YEATS4: variants seen among roughly 807,000 people sequenced by gnomAD.
The protein encoded by YEATS4 is YEATS domain containing 4, also known as YEATS domain-containing protein 4.
YEATS4 carries 17 observed loss-of-function variants against 30.1 expected under a neutral mutation model. The ratio of observed to expected loss-of-function variants is 0.56; its 90% CI spans 0.39 to 0.85. The LOEUF is 0.85. YEATS4 is among the 40% of genes least tolerant of loss of function. The pLI is 0.00. For synonymous variants in YEATS4, 85 were observed against 87.5 expected, an observed-to-expected ratio of 0.97 and a Z score of 0.16; for missense variants, 142 against 268.3, an observed-to-expected ratio of 0.53 and a Z score of 3.29.
At chr12:69,397,044 A>G in the YEATS4 span, among the ~76,000 whole-genome samples, 2 of 152,324 alleles carry the variant, frequency 1.3e-5, no homozygotes, top group African/African-American at 4.8e-5. Context: ...TTGAATGGTA[A>G]GAATAAAGAA....
chr12:69,399,720 A>C, the YEATS4 span, among the ~76,000 whole-genome samples: 1 of 152,250 alleles, frequency 6.6e-6, no homozygotes, highest in African/African-American at 2.4e-5. Flanking sequence ...AGAATAGCTA[A>C]AATTGGAAAC....
the YEATS4 span, among the ~76,000 whole-genome samples, chr12:69,397,133 A>C: frequency 6.6e-6 from 1 of 152,228 alleles, no homozygotes; most frequent in Non-Finnish European, 1.5e-5. Flanking sequence ...AAGGATAATA[A>C]GTCCCATTAT....
chr12:69,412,259 G>C, the YEATS4 span, among the ~76,000 whole-genome samples: 1 of 152,158 alleles, frequency 6.6e-6, no homozygotes. Context: ...TGGATGGAAG[G>C]TTCCCTGCAG....
At chr12:69,388,503 T>C (rs1371770363) in intron 6 of YEATS4, among the ~76,000 whole-genome samples, 1 of 152,228 alleles carries the variant, frequency 6.6e-6, no homozygotes, top group Non-Finnish European at 1.5e-5. Context: ...TGACCATCTT[T>C]TATTAGTGAA....
rs776978862 is a variant in YEATS4, at chr12:69,359,969, C to T, written c.-4C>T. 6.2e-7 allele frequency: 1 copy of T among 1,612,704 alleles called. No homozygotes were observed. The highest frequency in any genetic ancestry group is 8.5e-7 in the Non-Finnish European group (1 of 1,179,322). On this transcript the variant is annotated 5_prime_UTR_variant, in exon 1 of 7. Coordinates refer to ENST00000247843, the MANE Select transcript of YEATS4 (RefSeq NM_006530.4). ...GGCGGCGGCGGCTTCTTCCGTGGGA[C>T]AATATGTTCAAGAGAATGGCCGAAT...
chr12:69,360,402 A>C (rs1213333647), intron 1 of YEATS4, among the ~76,000 whole-genome samples: 1 of 152,138 alleles, frequency 6.6e-6, no homozygotes, highest in Non-Finnish European at 1.5e-5. Flanking sequence ...GGATAACAAT[A>C]ACTGTAGCAA....
At chr12:69,396,143 C>T in the YEATS4 span, among the ~76,000 whole-genome samples, 6 of 152,308 alleles carry the variant, frequency 3.9e-5, no homozygotes, top group Middle Eastern at 3.4e-3. Context: ...ACCCTCAACA[C>T]GGCTTCATTG....
At chr12:69,364,281 ATC>A (rs1875344396) in intron 2 of YEATS4, 3 of 350,536 alleles carry the variant, frequency 8.6e-6, no homozygotes, top group African/African-American at 4.4e-5. Flanking sequence ...GTAAGACTCC[ATC>A]TCTACAGAAA....
At chr12:69,402,518 CTT>C in the YEATS4 span, among the ~76,000 whole-genome samples, 1 of 152,076 alleles carries the variant, frequency 6.6e-6, no homozygotes, top group Non-Finnish European at 1.5e-5. Flanking sequence ...GATCCACAAA[CTT>C]TTTCTGAAAA....
At chr12:69,396,817 A>G in the YEATS4 span, among the ~76,000 whole-genome samples, 2 of 152,178 alleles carry the variant, frequency 1.3e-5, no homozygotes, top group African/African-American at 4.8e-5. Context: ...CCATCCATAC[A>G]AAGTTTCTCT....
At chr12:69,414,950 C>T in the YEATS4 span, among the ~76,000 whole-genome samples, 1 of 152,186 alleles carries the variant, frequency 6.6e-6, no homozygotes, top group African/African-American at 2.4e-5. Context: ...GAAAGAAAGT[C>T]TCCATCAATG....
downstream of YEATS4, among the ~76,000 whole-genome samples, chr12:69,395,837 G>A (rs80130061): frequency 0.014 from 2,142 of 152,216 alleles, 50 homozygotes; most frequent in African/African-American, 0.049. Flanking sequence ...GCTCTTCAGT[G>A]CATTGTCCGG....
chr12:69,360,878 A>G (rs571931141), intron 1 of YEATS4, among the ~76,000 whole-genome samples: 1 of 151,752 alleles, frequency 6.6e-6, no homozygotes, highest in Non-Finnish European at 1.5e-5. Context: ...TGTTTTTATC[A>G]GGAGCCAGTG....
At chr12:69,417,366 C>T in the YEATS4 span, among the ~76,000 whole-genome samples, 1 of 151,686 alleles carries the variant, frequency 6.6e-6, no homozygotes, top group African/African-American at 2.4e-5. Flanking sequence ...CACTATGTGG[C>T]CCAGGCTGGT....
the YEATS4 span, among the ~76,000 whole-genome samples, chr12:69,419,356 G>T: frequency 6.6e-6 from 1 of 151,378 alleles, no homozygotes; most frequent in African/African-American, 2.4e-5. Flanking sequence ...TAGTAGCTGT[G>T]GCTACAGTTG....
intron 4 of YEATS4, among the ~76,000 whole-genome samples, chr12:69,368,925 C>G (rs1264862191): frequency 3.9e-5 from 6 of 152,162 alleles, no homozygotes; most frequent in East Asian, 1.9e-4. Flanking sequence ...AATGTCACAT[C>G]CACAGGTGCT....
chr12:69,366,286 C>T (rs1875426307), intron 4 of YEATS4, among the ~76,000 whole-genome samples: 1 of 152,004 alleles, frequency 6.6e-6, no homozygotes, highest in Admixed American at 6.6e-5. Flanking sequence ...TCAGTACTAG[C>T]GCTTCATTTT....
the YEATS4 span, chr12:69,401,248 C>G: frequency 1.3e-5 from 2 of 151,868 alleles, no homozygotes; most frequent in African/African-American, 4.8e-5. Context: ...AGTAACTTCA[C>G]TGATAGGAAA....
At chr12:69,424,761 C>G in the YEATS4 span, among the ~76,000 whole-genome samples, 1 of 152,138 alleles carries the variant, frequency 6.6e-6, no homozygotes, top group Non-Finnish European at 1.5e-5. Context: ...CACCTTCTGC[C>G]ATGATTGTCA....
Sources: gnomAD v4.1 joint callset for allele counts (sites outside exome capture counted in the v4.1 genomes callset) on GRCh38, gnomAD v4.1.1 for gene constraint, MANE v1.5 for transcripts, NCBI Gene and HGNC (gene_info 2026-07-23, HGNC 2026-07-21) for gene names.